Variants in FAM184B observed in about 807,000 individuals in gnomAD.
FAM184B encodes protein FAM184B.
FAM184B carries 111 observed loss-of-function variants against 135.9 expected under a neutral mutation model. The ratio of observed to expected loss-of-function variants is 0.82; its 90% CI spans 0.70 to 0.96. FAM184B has a LOEUF of 0.96. FAM184B is among the 40% of genes least tolerant of loss of function. FAM184B has a pLI of 0.00. For synonymous variants in FAM184B, 552 were observed against 524.8 expected, an observed-to-expected ratio of 1.05 and a Z score of -0.71; for missense variants, 1,375 against 1,323.9, an observed-to-expected ratio of 1.04 and a Z score of -0.60.
intron 1 of FAM184B, among the ~76,000 whole-genome samples, chr4:17,761,983 C>T (rs1023446941): frequency 1.3e-5 from 2 of 152,168 alleles, no homozygotes; most frequent in Non-Finnish European, 2.9e-5. Flanking sequence ...CTCAGGCGCT[C>T]TCTCTTTTAT....
At chr4:17,722,732 G>A (rs1282461223) in intron 1 of FAM184B, among the ~76,000 whole-genome samples, 7 of 152,188 alleles carry the variant, frequency 4.6e-5, no homozygotes, top group African/African-American at 1.4e-4. Context: ...TGCATAAGAT[G>A]GGGGTCTGGA....
rs1419622622 is a variant in FAM184B, at chr4:17,642,214, C to T, written c.2361G>A (p.Pro787=). ...CGCCCGGTGGGGAGCCGGCCTGGCC[C>T]GGGCCGCCCCGCTCCTGAGGAAGGC... ...HIIATEERGG[P]GQAGSPPGAA... The change falls in exon 13 of 18, where the codon CCG becomes CCA. Residue 787 remains proline, a synonymous_variant. Transcript: ENST00000265018. 4.7e-6 allele frequency: 7 copies of T among 1,501,740 alleles called. 1 individual carries two copies. The highest frequency in any genetic ancestry group is 2.9e-5 in the African/African-American group (2 of 68,932). 93.0% of individuals were successfully genotyped at this position (1,501,740 alleles called of 1,614,324 possible). A position where few individuals can be genotyped will look rare whatever the true frequency, so the allele number is the denominator to read the frequency against.
At chr4:17,667,571 A>AAAG (rs1465275808) in intron 7 of FAM184B, among the ~76,000 whole-genome samples, 2 of 152,180 alleles carry the variant, frequency 1.3e-5, no homozygotes, top group African/African-American at 4.8e-5. Context: ...GGGGCACTCC[A>AAAG]AAGTGATGGC....
Position 17,688,598 on chromosome 4 carries a change from T to C in FAM184B, c.1489-67A>G, listed in dbSNP as rs1455775753. ...TCTACCTCCTCGATACAGTCATTCA[T>C]CCGGGAATCAATTCTCCTGGGTCAG... On this transcript the variant is annotated intron_variant, in intron 6 of 17. Transcript: ENST00000265018. The C allele has an allele frequency of 5.0e-6, 6 of 1,206,070 alleles. No homozygotes were observed. The Middle Eastern group carries it at 7.8e-4, about 158-fold the overall frequency. The allele number at this position is 1,206,070 out of a possible 1,614,324, so 74.7% of individuals were successfully genotyped here. A position where few individuals can be genotyped will look rare whatever the true frequency, so the allele number is the denominator to read the frequency against.
Position 17,709,092 on chromosome 4 carries a change from T to C in FAM184B, c.694A>G (p.Ile232Val). 6.5e-7 allele frequency: 1 copy of C among 1,549,758 alleles called. No homozygotes were observed. ...ACCGACTGCTGCATGGCCTGCCGGATGGCCTCGTTTTCCCTCTCGTAGGTG... is the reference window on the plus strand; with the variant it reads ...ACCGACTGCTGCATGGCCTGCCGGACGGCCTCGTTTTCCCTCTCGTAGGTG... The part of the protein sequence containing the change: ...QATYERENEA[I>V]RQAMQQSVSQ... Residue 232 changes from isoleucine (I) to valine (V), a missense_variant, in exon 2 of 18, where the codon ATC (isoleucine) becomes GTC (valine). Ile to Val is a conservative substitution (Grantham distance 29). Coordinates refer to ENST00000265018, the MANE Select transcript of FAM184B (RefSeq NM_015688.2).
intron 1 of FAM184B, among the ~76,000 whole-genome samples, chr4:17,724,937 C>G: frequency 6.6e-6 from 1 of 152,106 alleles, no homozygotes; most frequent in East Asian, 1.9e-4. Flanking sequence ...GGGCTGACTA[C>G]AAGACAGTCT....
At chr4:17,679,272 C>G (rs1446838007) in intron 7 of FAM184B, among the ~76,000 whole-genome samples, 2 of 152,188 alleles carry the variant, frequency 1.3e-5, no homozygotes, top group Non-Finnish European at 2.9e-5. Flanking sequence ...TATTTGCAAT[C>G]TATATATCTG....
At chr4:17,754,553 G>GAA (rs11329711) in intron 1 of FAM184B, among the ~76,000 whole-genome samples, 4 of 47,088 alleles carry the variant, frequency 8.5e-5, no homozygotes, top group African/African-American at 1.5e-4. Context: ...CTCTGTCTCA[G>GAA]AAAAAAAAAA....
intron 8 of FAM184B, 99 bp from the exon 9 acceptor site, chr4:17,660,186 G>T (rs1715880956): frequency 7.3e-7 from 1 of 1,369,522 alleles, no homozygotes; most frequent in South Asian, 1.4e-5. Flanking sequence ...GGAGGAGAAA[G>T]CTCCGATAGC....
intron 1 of FAM184B, among the ~76,000 whole-genome samples, chr4:17,736,688 A>G (rs1717915105): frequency 6.6e-6 from 1 of 152,146 alleles, no homozygotes; most frequent in Non-Finnish European, 1.5e-5. Context: ...CCTTGTGCTT[A>G]GGTTGGGGAT....
At chr4:17,656,024 C>T (rs995812994) in intron 10 of FAM184B, among the ~76,000 whole-genome samples, 7 of 152,166 alleles carry the variant, frequency 4.6e-5, no homozygotes, top group Non-Finnish European at 7.4e-5. Flanking sequence ...CATTCCTACT[C>T]GCCGACACAG....
At chr4:17,660,135 A>C (rs1377110441) in intron 8 of FAM184B, 48 bp from the exon 9 acceptor site, 1 of 1,544,168 alleles carries the variant, frequency 6.5e-7, no homozygotes. Context: ...AGGGCTAGGA[A>C]TGACACTGCC....
chr4:17,655,389 G>T (rs1184985179), intron 10 of FAM184B, among the ~76,000 whole-genome samples: 1 of 152,122 alleles, frequency 6.6e-6, no homozygotes, highest in Non-Finnish European at 1.5e-5. Context: ...CCACTCACTT[G>T]CTCAGGAGCC....
At chr4:17,705,675 G>A in intron 4 of FAM184B, 77 bp downstream of exon 4, 1 of 1,502,574 alleles carries the variant, frequency 6.7e-7, no homozygotes, top group Non-Finnish European at 9.0e-7. Flanking sequence ...CTTGGGGACT[G>A]GCCTCTACCT....
At chr4:17,707,521 G>A (rs1674816377) in intron 3 of FAM184B, 128 bp downstream of exon 3, 1 of 1,218,728 alleles carries the variant, frequency 8.2e-7, no homozygotes. Flanking sequence ...TCACCCACCA[G>A]GCAGGTCAGA....
chr4:17,684,986 G>A (rs1187779476), intron 7 of FAM184B, among the ~76,000 whole-genome samples: 1 of 151,930 alleles, frequency 6.6e-6, no homozygotes, highest in African/African-American at 2.4e-5. Flanking sequence ...AGTGGGAGCT[G>A]AGCAATGAGA....
chr4:17,643,072 G>A (rs1715369246), intron 12 of FAM184B, among the ~76,000 whole-genome samples: 1 of 152,234 alleles, frequency 6.6e-6, no homozygotes, highest in Non-Finnish European at 1.5e-5. Context: ...CACCCACTTG[G>A]CACTCTCACA....
chr4:17,739,555 GT>G (rs397992408), intron 1 of FAM184B, among the ~76,000 whole-genome samples: 2 of 62,510 alleles, frequency 3.2e-5, no homozygotes, highest in African/African-American at 1.2e-4. Flanking sequence ...CATACCAACT[GT>G]TTTTTTTTTT....
intron 1 of FAM184B, among the ~76,000 whole-genome samples, chr4:17,730,910 A>G (rs1717760088): frequency 6.6e-6 from 1 of 152,158 alleles, no homozygotes. Flanking sequence ...ATGGAGCTGA[A>G]AGCCAAGGCT....
Sources: allele counts gnomAD v4.1 joint callset (sites outside exome capture counted in the v4.1 genomes callset), GRCh38; gene constraint gnomAD v4.1.1; transcripts MANE v1.5; gene names NCBI Gene and HGNC (gene_info 2026-07-23, HGNC 2026-07-21).